The following JAZF1 variants were observed in gnomAD, a reference collection of about 807,000 sequenced individuals.
JAZF1 encodes the protein juxtaposed with another zinc finger protein 1.
Under a neutral mutation model 26.4 loss-of-function variants are expected in JAZF1, and 8 were observed. The observed-to-expected ratio is 0.30, with a 90% CI of 0.18 to 0.55. JAZF1 has a LOEUF of 0.55. Ranked by LOEUF, JAZF1 falls within the 20% of genes least tolerant of loss-of-function variation. The probability of loss-of-function intolerance (pLI) is 0.94; values close to 1 mark genes in which losing one functional copy is unlikely to be tolerated. For synonymous variants in JAZF1, 126 were observed against 122.3 expected (o/e 1.03, Z -0.20); for missense variants, 199 against 322.0 (o/e 0.62, Z 2.92).
intron 2 of JAZF1, among the ~76,000 whole-genome samples, chr7:27,986,893 G>A (rs1295148767): frequency 6.6e-6 from 1 of 152,204 alleles, no homozygotes; most frequent in African/African-American, 2.4e-5. Context: ...CTGACTGTGA[G>A]TGATCTGCCC....
At chr7:28,170,180 C>T (rs1471890329) in intron 1 of JAZF1, among the ~76,000 whole-genome samples, 3 of 152,002 alleles carry the variant, frequency 2.0e-5, no homozygotes, top group African/African-American at 7.3e-5. Context: ...TCCCAGCTAC[C>T]AGAAGGCTGA....
intron 1 of JAZF1, among the ~76,000 whole-genome samples, chr7:28,179,887 G>C (rs1052116166): frequency 6.8e-6 from 1 of 147,100 alleles, no homozygotes; most frequent in African/African-American, 2.4e-5. Flanking sequence ...GGAGGAAGCG[G>C]AATGGCTGCC....
In JAZF1 at chr7:27,954,901, G is replaced by A. The variant is rs570699158; in HGVS notation, c.188+37008C>T. 1.1e-4 allele frequency among the ~76,000 whole-genome samples: 17 copies of A among 152,294 alleles called. 1 individual carries two copies. The South Asian group carries it at 3.5e-3, about 32-fold the overall frequency. On this transcript the variant is annotated intron_variant, in intron 2 of 4. Transcript: ENST00000283928. The stretch of plus-strand genomic sequence containing the variant: ...GCCTCCTGAGTAGCTGGGATTACAG[G>A]TATGCACCACCATGCTCAGCTAATT...
At chr7:27,999,599 T>G (rs550133457) in intron 1 of JAZF1, among the ~76,000 whole-genome samples, 6 of 152,168 alleles carry the variant, frequency 3.9e-5, no homozygotes, top group Non-Finnish European at 7.4e-5. Flanking sequence ...TATAGTACTT[T>G]CAGCATGCAT....
In JAZF1 at chr7:27,965,105, A is replaced by T. The variant is rs1455629729; in HGVS notation, c.188+26804T>A. Among the ~76,000 whole-genome samples, 12 of 152,314 alleles carry T rather than the reference A, an allele frequency of 7.9e-5. No individual in the cohort carries two copies. In the East Asian group the frequency reaches 2.3e-3, roughly 29 times the overall value. On this transcript the variant is annotated intron_variant, in intron 2 of 4. Transcript: ENST00000283928. ...GCATATTTCAGTATATATCAGACAC[A>T]AAGGTTAAAATATGTACATACTGTT...
At chr7:28,100,694 T>C (rs1005408165) in intron 1 of JAZF1, among the ~76,000 whole-genome samples, 2 of 152,012 alleles carry the variant, frequency 1.3e-5, no homozygotes, top group East Asian at 3.9e-4. Flanking sequence ...TAAAGAAGTA[T>C]AAGAAAGGAA....
intron 4 of JAZF1, among the ~76,000 whole-genome samples, chr7:27,836,265 A>T (rs1782811483): frequency 6.6e-6 from 1 of 152,076 alleles, no homozygotes; most frequent in Non-Finnish European, 1.5e-5. Flanking sequence ...ACATCAAGCT[A>T]GTAAGGGAAG....
intron 1 of JAZF1, among the ~76,000 whole-genome samples, chr7:28,175,672 T>C (rs543034938): frequency 1.3e-5 from 2 of 152,256 alleles, no homozygotes; most frequent in African/African-American, 4.8e-5. Flanking sequence ...AGTTACTTTC[T>C]AAAGGAGGAA....
intron 1 of JAZF1, among the ~76,000 whole-genome samples, chr7:28,105,888 A>G (rs1784543411): frequency 6.6e-6 from 1 of 152,238 alleles, no homozygotes; most frequent in Non-Finnish European, 1.5e-5. Flanking sequence ...TTCTTTCTTC[A>G]TTAAAAGTAA....
chr7:28,092,944 T>C (rs867143790), intron 1 of JAZF1, among the ~76,000 whole-genome samples: 21 of 152,204 alleles, frequency 1.4e-4, no homozygotes, highest in African/African-American at 4.6e-4. Flanking sequence ...CAAAACATTA[T>C]TTCATGTAAC....
At chr7:27,941,388 T>C (rs930111122) in intron 2 of JAZF1, among the ~76,000 whole-genome samples, 1 of 152,230 alleles carries the variant, frequency 6.6e-6, no homozygotes, top group Non-Finnish European at 1.5e-5. Flanking sequence ...CTAATTTTCT[T>C]TCAGCCTGCA....
At chr7:28,018,898 T>C (rs1047378716) in intron 1 of JAZF1, among the ~76,000 whole-genome samples, 5 of 152,180 alleles carry the variant, frequency 3.3e-5, no homozygotes, top group African/African-American at 1.2e-4. Context: ...CGTGGTTCAG[T>C]TGGAGTCTGT....
intron 1 of JAZF1, among the ~76,000 whole-genome samples, chr7:28,046,331 C>T (rs1783495808): frequency 6.6e-6 from 1 of 152,140 alleles, no homozygotes; most frequent in East Asian, 1.9e-4. Flanking sequence ...CTTGTTAGCC[C>T]TTATGCTGAC....
chr7:28,055,581 G>C (rs1349433254), intron 1 of JAZF1, among the ~76,000 whole-genome samples: 1 of 152,130 alleles, frequency 6.6e-6, no homozygotes, highest in Non-Finnish European at 1.5e-5. Context: ...AACAGCAAGA[G>C]ATCTTTGTTT....
At chr7:27,896,612 T>C (rs1264309642) in intron 2 of JAZF1, among the ~76,000 whole-genome samples, 1 of 152,370 alleles carries the variant, frequency 6.6e-6, no homozygotes, top group East Asian at 1.9e-4. Context: ...ACATTTTGTC[T>C]ACAAAATTCC....
intron 2 of JAZF1, among the ~76,000 whole-genome samples, chr7:27,976,012 G>A (rs932079956): frequency 6.6e-6 from 1 of 152,120 alleles, no homozygotes; most frequent in African/African-American, 2.4e-5. Flanking sequence ...TGTCACATAA[G>A]GGTTGTCCTT....
intron 1 of JAZF1, among the ~76,000 whole-genome samples, chr7:28,096,954 G>A (rs1426695105): frequency 2.0e-5 from 3 of 152,172 alleles, no homozygotes; most frequent in Non-Finnish European, 4.4e-5. Context: ...TTACCAAGTG[G>A]CTTAAATGCC....
At chr7:27,928,898 C>G (rs1472904274) in intron 2 of JAZF1, among the ~76,000 whole-genome samples, 5 of 152,120 alleles carry the variant, frequency 3.3e-5, no homozygotes, top group Non-Finnish European at 5.9e-5. Context: ...GACACTTTAC[C>G]TATGTAGCAA....
At position 27,916,260 on chromosome 7, in the gene JAZF1, GAA is replaced by G. The variant is rs78835169; in HGVS notation, c.189-20846_189-20845del. Among the ~76,000 whole-genome samples the G allele has an allele frequency of 9.3e-4, 133 of 142,306 alleles. 2 individuals carry two copies. The highest frequency in any genetic ancestry group is 4.6e-3 in the East Asian group (23 of 4,986). 93.4% of individuals were successfully genotyped at this position (142,306 alleles called of 152,430 possible). On this transcript the variant is annotated intron_variant, in intron 2 of 4. Coordinates refer to ENST00000283928, the MANE Select transcript of JAZF1 (RefSeq NM_175061.4). ...CATTTCAGTGATGGTTCAGGGAAAA[GAA>G]AAAAAAAAAATGTAAAAGGGATCAG...
Sources: gnomAD v4.1 joint callset for allele counts (sites outside exome capture counted in the v4.1 genomes callset) on GRCh38, gnomAD v4.1.1 for gene constraint, MANE v1.5 for transcripts, NCBI Gene and HGNC (gene_info 2026-07-23, HGNC 2026-07-21) for gene names.